The following BOLL variants were observed in gnomAD, a reference collection of about 807,000 sequenced individuals.
BOLL encodes the protein protein boule-like.
A neutral mutation model predicts 44.4 loss-of-function variants in BOLL; 23 were observed. The observed-to-expected ratio is 0.52, with a 90% CI of 0.37 to 0.73. The LOEUF (loss-of-function observed/expected upper bound fraction) is 0.73, where lower values mean the gene tolerates loss of function less well. Among genes scored for constraint, BOLL ranks in the 30% least tolerant of loss-of-function variants. The pLI is 0.00. For synonymous variants in BOLL, 97 were observed against 110.8 expected (o/e 0.88, Z 0.78); for missense variants, 287 against 338.3 (o/e 0.85, Z 1.19).
intron 10 of BOLL, among the ~76,000 whole-genome samples, chr2:197,731,606 C>CAA (rs1687183393): frequency 1.5e-5 from 2 of 137,474 alleles, no homozygotes; most frequent in Non-Finnish European, 3.1e-5. Flanking sequence ...GAAATTATAA[C>CAA]AAACTATCTC....
At chr2:197,779,721 C>T (rs1689681358) in intron 2 of BOLL, among the ~76,000 whole-genome samples, 1 of 151,816 alleles carries the variant, frequency 6.6e-6, no homozygotes, top group African/African-American at 2.4e-5. Context: ...TACAAGGTGT[C>T]TACAAAGATG....
chr2:197,741,858 C>G (rs1196892183), intron 10 of BOLL, among the ~76,000 whole-genome samples: 2 of 152,084 alleles, frequency 1.3e-5, no homozygotes, highest in African/African-American at 4.8e-5. Context: ...AAGAAACTAC[C>G]ATCAGAGTGA....
chr2:197,742,163 A>C (rs1687771698), intron 10 of BOLL, among the ~76,000 whole-genome samples: 1 of 152,212 alleles, frequency 6.6e-6, no homozygotes, highest in Non-Finnish European at 1.5e-5. Context: ...GTCAGGAAAC[A>C]ACAGGTGCTG....
intron 10 of BOLL, among the ~76,000 whole-genome samples, chr2:197,737,674 G>A (rs1687556482): frequency 6.6e-6 from 1 of 152,068 alleles, no homozygotes. Flanking sequence ...ACTCAAATGA[G>A]GAAATGGTTG....
At chr2:197,766,057 T>C (rs1263510202) in intron 7 of BOLL, among the ~76,000 whole-genome samples, 1 of 152,178 alleles carries the variant, frequency 6.6e-6, no homozygotes, top group Non-Finnish European at 1.5e-5. Context: ...TAATATTCCT[T>C]GGTGTATATG....
At chr2:197,747,744 G>C (rs1010054570) in intron 9 of BOLL, among the ~76,000 whole-genome samples, 1 of 152,054 alleles carries the variant, frequency 6.6e-6, no homozygotes, top group Non-Finnish European at 1.5e-5. Flanking sequence ...CTTAAACTGG[G>C]AGGTAAATGC....
At position 197,756,536 on chromosome 2, in the gene BOLL, T is replaced by C. The variant is rs751115694; in HGVS notation, c.621A>G (p.Pro207=). Residue 207 remains proline (P), a synonymous_variant, in exon 9 of 11, where the codon CCA becomes CCG. Transcript: ENST00000392296. ...SVPQPSASSA[P]FLYLQPSEVI... ...CCTCAGAAGGTTGCAGGTATAAGAA[T>C]GGAGCAGAAGAGGCAGAAGGCTAAA... 3 of 1,610,924 alleles carry C rather than the reference T, an allele frequency of 1.9e-6. No individual in the cohort carries two copies. The East Asian group carries it at 6.7e-5, about 36-fold the overall frequency.
At chr2:197,773,115 C>T (rs1270404514) in intron 5 of BOLL, among the ~76,000 whole-genome samples, 3 of 151,508 alleles carry the variant, frequency 2.0e-5, no homozygotes, top group African/African-American at 7.3e-5. Context: ...TAATTAGATC[C>T]TTTTGAGAAT....
At chr2:197,774,142 A>G (rs2106380970) in intron 5 of BOLL, 2 of 287,294 alleles carry the variant, frequency 7.0e-6, no homozygotes, top group South Asian at 6.1e-5. Context: ...ACCAGGAGAT[A>G]TGAAAAAGCA....
chr2:197,785,907 A>T, upstream of BOLL: 1 of 1,263,272 alleles, frequency 7.9e-7, no homozygotes, highest in Non-Finnish European at 1.1e-6. The surrounding 1 kb of genome is among the most constrained non-coding windows in gnomAD (Gnocchi z 6.7). Context: ...CGCCCCTCCA[A>T]GCCCTCAGGG....
At chr2:197,765,116 T>A (rs1471441543) in intron 7 of BOLL, among the ~76,000 whole-genome samples, 5 of 152,070 alleles carry the variant, frequency 3.3e-5, no homozygotes, top group Non-Finnish European at 7.4e-5. Context: ...CACTCATAAG[T>A]GGGAGCTAAG....
At chr2:197,767,141 T>C (rs1027740970) in intron 6 of BOLL, among the ~76,000 whole-genome samples, 4 of 152,028 alleles carry the variant, frequency 2.6e-5, no homozygotes, top group African/African-American at 9.7e-5. Flanking sequence ...TTTGATAAAC[T>C]TACAAGTGAA....
In BOLL at chr2:197,728,475, T is replaced by A; in HGVS notation, c.*80A>T. The A allele has an allele frequency of 6.2e-7, 1 of 1,609,070 alleles. No individual in the cohort carries two copies. On this transcript the variant is annotated 3_prime_UTR_variant, in exon 11 of 11. Coordinates refer to ENST00000392296, the MANE Select transcript of BOLL (RefSeq NM_033030.6). ...TTCACAACGGGCAGCTTCTAGCTGG[T>A]TCGTTGAAGCTGGATCTCGGCCACG...
At chr2:197,746,814 C>T (rs1051625552) in intron 9 of BOLL, among the ~76,000 whole-genome samples, 47 of 149,250 alleles carry the variant, frequency 3.1e-4, no homozygotes, top group African/African-American at 9.9e-4. Context: ...ACAGGGGGAT[C>T]GCTTGAACCC....
At chr2:197,778,919 G>A in intron 3 of BOLL, 56 bp downstream of exon 3, 1 of 1,447,136 alleles carries the variant, frequency 6.9e-7, no homozygotes, top group South Asian at 1.2e-5. Context: ...ACAAAACCTA[G>A]TCATCCAATG....
chr2:197,773,574 T>C (rs1245230819), intron 5 of BOLL, among the ~76,000 whole-genome samples: 1 of 151,916 alleles, frequency 6.6e-6, no homozygotes, highest in Non-Finnish European at 1.5e-5. Flanking sequence ...TATACATATA[T>C]ATGGAAAATT....
chr2:197,753,893 C>A lies in BOLL; in HGVS notation c.729+2535G>T, dbSNP rs542323511. Among the ~76,000 whole-genome samples the A allele has an allele frequency of 1.5e-4, 23 of 152,254 alleles. No individual in the cohort carries two copies. In the East Asian group the frequency reaches 4.4e-3, roughly 29 times the overall value. Reference sequence around the variant, plus strand: ...AAAGACTTGGAACCAACCCAAATGCCCATCAATGATAGACTAGATAAAGAA... The same window carrying A: ...AAAGACTTGGAACCAACCCAAATGCACATCAATGATAGACTAGATAAAGAA... On this transcript the variant is annotated intron_variant, in intron 9 of 10. Coordinates refer to ENST00000392296, the MANE Select transcript of BOLL (RefSeq NM_033030.6).
At chr2:197,771,061 C>T (rs866901233) in intron 6 of BOLL, among the ~76,000 whole-genome samples, 11 of 152,090 alleles carry the variant, frequency 7.2e-5, no homozygotes, top group South Asian at 2.1e-4. Flanking sequence ...ATGTTTACTG[C>T]GGCACTATTC....
chr2:197,765,123 T>A (rs1157398265), intron 7 of BOLL, among the ~76,000 whole-genome samples: 1 of 152,080 alleles, frequency 6.6e-6, no homozygotes, highest in Non-Finnish European at 1.5e-5. Flanking sequence ...AAGTGGGAGC[T>A]AAGCTATGAG....
Sources: gnomAD v4.1 joint callset for allele counts (sites outside exome capture counted in the v4.1 genomes callset) on GRCh38, gnomAD v4.1.1 for gene constraint, Gnocchi (gnomAD v3.1) non-coding constraint, MANE v1.5 for transcripts, NCBI Gene and HGNC (gene_info 2026-07-23, HGNC 2026-07-21) for gene names.